EPS8: variants seen among roughly 807,000 people sequenced by gnomAD.
The protein encoded by EPS8 is EGFR pathway substrate 8, signaling adaptor.
EPS8 carries 42 observed loss-of-function variants against 103.8 expected under a neutral mutation model. The ratio of observed to expected loss-of-function variants is 0.40; its 90% confidence interval spans 0.32 to 0.52. EPS8 has a LOEUF of 0.52. Ranked by LOEUF, EPS8 falls within the 20% of genes least tolerant of loss-of-function variation. The probability of loss-of-function intolerance (pLI) is 0.40; values close to 1 mark genes in which losing one functional copy is unlikely to be tolerated. For missense variants in EPS8, 969 were observed against 1,005.1 expected (o/e 0.96, Z 0.49); for synonymous variants, 344 against 344.6 (o/e 1.00, Z 0.02).
At chr12:15,628,570 C>A (rs1944989242) in intron 18 of EPS8, among the ~76,000 whole-genome samples, 1 of 152,144 alleles carries the variant, frequency 6.6e-6, no homozygotes, top group Non-Finnish European at 1.5e-5. Flanking sequence ...AAAAGGAGAA[C>A]CTTTTGGGAT....
chr12:15,669,784 G>A lies in EPS8; in HGVS notation c.246C>T (p.Ile82=). ...ATTTCCTTATTCCATCATCAACAGT[G>A]ATCATAGCATCTTTCCGATCCAGGA... is the stretch of plus-strand genomic sequence containing the variant. ...TFVLDRKDAM[I]TVDDGIRKLK... Residue 82 remains isoleucine, a synonymous_variant, in exon 5 of 21, where the codon ATC becomes ATT. Transcript: ENST00000281172. The A allele has an allele frequency of 6.2e-7, 1 of 1,612,208 alleles. No homozygotes were observed. The highest frequency in any genetic ancestry group is 8.5e-7 in the Non-Finnish European group (1 of 1,179,454).
chr12:15,648,992 GT>G, intron 14 of EPS8, among the ~76,000 whole-genome samples: 1 of 152,082 alleles, frequency 6.6e-6, no homozygotes, highest in South Asian at 2.1e-4. Flanking sequence ...GGATGATTAC[GT>G]TTTTTTGCTT....
chr12:15,631,380 T>C (rs1379151873), intron 18 of EPS8, 62 bp downstream of exon 18: 7 of 1,603,072 alleles, frequency 4.4e-6, no homozygotes, highest in African/African-American at 2.7e-5. Context: ...CAGTAAACAA[T>C]ATTTTACTTA....
intron 14 of EPS8, 119 bp from the exon 15 acceptor site, chr12:15,647,379 C>T (rs1001142406): frequency 1.2e-6 from 1 of 847,978 alleles, no homozygotes; most frequent in Middle Eastern, 2.4e-4. Context: ...AAGTGACTGA[C>T]CATTATGTTA....
chr12:15,756,394 A>T (rs1014287279), intron 1 of EPS8, among the ~76,000 whole-genome samples: 5 of 152,228 alleles, frequency 3.3e-5, no homozygotes, highest in African/African-American at 1.2e-4. Context: ...GTATCAAACC[A>T]AAAACAAATG....
chr12:15,631,764 C>G, intron 17 of EPS8, 100 bp from the exon 18 acceptor site: 2 of 900,708 alleles, frequency 2.2e-6, no homozygotes, highest in South Asian at 3.6e-5. Flanking sequence ...TATTTTTAAA[C>G]TTACTTGCAA....
At chr12:15,663,951 ATATAT>A (rs1278520750) in intron 8 of EPS8, among the ~76,000 whole-genome samples, 2 of 39,660 alleles carry the variant, frequency 5.0e-5, no homozygotes, top group African/African-American at 1.7e-4. Flanking sequence ...AAAAAATAAT[ATATAT>A]ATATATATAT....
rs1006480934 is a variant in EPS8 at position 15,760,115 on chromosome 12, G to A, written c.-22+29046C>T. Among the ~76,000 whole-genome samples, 2 of 151,938 alleles carry A rather than the reference G, an allele frequency of 1.3e-5. No homozygotes were observed. The highest frequency in any genetic ancestry group is 4.8e-5 in the African/African-American group (2 of 41,408). On this transcript the variant is annotated intron_variant, in intron 1 of 20. Coordinates refer to ENST00000281172, the MANE Select transcript of EPS8 (RefSeq NM_004447.6). This position sits in a 1 kb window ranked among gnomAD's most constrained non-coding sequence, Gnocchi z 4.5. ...AGTAAATAAAATCAGAGATGAAAAA[G>A]TAGACATTACAGCTGATACCACAGA...
intron 1 of EPS8, among the ~76,000 whole-genome samples, chr12:15,783,062 C>T (rs541137035): frequency 6.6e-6 from 1 of 152,280 alleles, no homozygotes; most frequent in Non-Finnish European, 1.5e-5. Flanking sequence ...AAAGTCATGA[C>T]ATTATGAGAG....
rs545386297 is a variant in EPS8, at chr12:15,741,471, G to A, written c.-22+47690C>T. Among the ~76,000 whole-genome samples, 11 of 152,278 alleles carry A rather than the reference G, an allele frequency of 7.2e-5. No homozygotes were observed. In the South Asian group the frequency reaches 2.3e-3, roughly 32 times the overall value. On this transcript the variant is annotated intron_variant, in intron 1 of 20. Transcript: ENST00000281172. ...GTAGGTTGACCATCTGCAGTTTGGGGTAGAAGGGGAAAGTGACTTTCCTAG... is the reference window on the plus strand; with the variant it reads ...GTAGGTTGACCATCTGCAGTTTGGGATAGAAGGGGAAAGTGACTTTCCTAG...
intron 15 of EPS8, among the ~76,000 whole-genome samples, chr12:15,643,372 A>G (rs1484603780): frequency 6.6e-6 from 1 of 152,106 alleles, no homozygotes; most frequent in Non-Finnish European, 1.5e-5. Flanking sequence ...TTTGCCCTCT[A>G]TATGTTAAGC....
chr12:15,762,356 C>T lies in EPS8; in HGVS notation c.-22+26805G>A, dbSNP rs182902494. 1.6e-3 allele frequency among the ~76,000 whole-genome samples: 242 copies of T among 152,230 alleles called. 3 individuals are homozygous for T. Among genetic ancestry groups the T allele is most frequent in the Admixed American group, 0.015 (222 of 15,298 alleles). Reference sequence around the variant, plus strand: ...TGGTGGCGATGTAAATTACTGCAACCGCTATGCAGAACAGTTTGGCGGTGC... The same window carrying T: ...TGGTGGCGATGTAAATTACTGCAACTGCTATGCAGAACAGTTTGGCGGTGC... On this transcript the variant is annotated intron_variant, in intron 1 of 20. Transcript: ENST00000281172. This position sits in a 1 kb window ranked among gnomAD's most constrained non-coding sequence, Gnocchi z 4.8.
chr12:15,628,126 A>G (rs1384644068), intron 18 of EPS8, among the ~76,000 whole-genome samples: 1 of 152,022 alleles, frequency 6.6e-6, no homozygotes, highest in African/African-American at 2.4e-5. Flanking sequence ...GGTGCTAGAG[A>G]GAGTAAGAGA....
intron 1 of EPS8, among the ~76,000 whole-genome samples, chr12:15,755,023 T>C (rs1946971340): frequency 6.6e-6 from 1 of 152,208 alleles, no homozygotes; most frequent in Non-Finnish European, 1.5e-5. Flanking sequence ...GATGTGCGCA[T>C]ACCCAGAATG....
At chr12:15,643,094 C>T (rs894769713) in intron 15 of EPS8, among the ~76,000 whole-genome samples, 5 of 152,104 alleles carry the variant, frequency 3.3e-5, no homozygotes, top group Non-Finnish European at 7.4e-5. Context: ...GCTCTGCTTT[C>T]ATTTACTTTA....
At chr12:15,724,743 T>C (rs1313856203) in intron 1 of EPS8, among the ~76,000 whole-genome samples, 3 of 152,144 alleles carry the variant, frequency 2.0e-5, no homozygotes, top group African/African-American at 7.2e-5. Flanking sequence ...AAGGGGTTTT[T>C]CCTTTCACTT....
Position 15,706,736 on chromosome 12 carries a change from T to G in EPS8, c.-21-23764A>C, listed in dbSNP as rs879813731. On this transcript the variant is annotated intron_variant, in intron 1 of 20. Coordinates refer to ENST00000281172, the MANE Select transcript of EPS8 (RefSeq NM_004447.6). The surrounding 1 kb of genome is among the most constrained non-coding windows in gnomAD (Gnocchi z 5.2). ...AATTTTCTGTTCTTTATATTTTATG[T>G]TTTTTTTTACAACTTATCCAAAGAT... 3.1e-4 allele frequency among the ~76,000 whole-genome samples: 47 copies of G among 151,558 alleles called. 1 individual carries two copies. The highest frequency in any genetic ancestry group is 7.9e-4 in the Admixed American group (12 of 15,212).
At position 15,706,735 on chromosome 12, in the gene EPS8, G is replaced by A. The variant is rs945881341; in HGVS notation, c.-21-23763C>T. ...GAATTTTCTGTTCTTTATATTTTAT[G>A]TTTTTTTTTACAACTTATCCAAAGA... On this transcript the variant is annotated intron_variant, in intron 1 of 20. Transcript: ENST00000281172. This position sits in a 1 kb window ranked among gnomAD's most constrained non-coding sequence, Gnocchi z 5.2. Among the ~76,000 whole-genome samples, 32 of 150,608 alleles carry A rather than the reference G, an allele frequency of 2.1e-4. No individual in the cohort carries two copies. The highest frequency in any genetic ancestry group is 7.8e-4 in the African/African-American group (32 of 41,028).
At chr12:15,667,704 A>G (rs1945740138) in intron 6 of EPS8, among the ~76,000 whole-genome samples, 1 of 152,192 alleles carries the variant, frequency 6.6e-6, no homozygotes, top group Non-Finnish European at 1.5e-5. Context: ...GCAATATTGC[A>G]CAATGAGCCA....
Sources: allele counts gnomAD v4.1 joint callset (sites outside exome capture counted in the v4.1 genomes callset), GRCh38; gene constraint gnomAD v4.1.1; non-coding constraint Gnocchi (gnomAD v3.1); transcripts MANE v1.5; gene names NCBI Gene and HGNC (gene_info 2026-07-23, HGNC 2026-07-21).